BNC2: variants seen among roughly 807,000 people sequenced by gnomAD.
BNC2 encodes the protein zinc finger protein basonuclin-2.
BNC2 carries 20 observed loss-of-function variants against 76.3 expected under a neutral mutation model. That is an observed-to-expected ratio of 0.26 (90% CI 0.18 to 0.38). The LOEUF (loss-of-function observed/expected upper bound fraction) is 0.38. Ranked by LOEUF, BNC2 falls within the 10% of genes least tolerant of loss-of-function variation. The pLI is 1.00. For synonymous variants in BNC2, 582 were observed against 514.8 expected, an observed-to-expected ratio of 1.13 and a Z score of -1.77; for missense variants, 1,382 against 1,399.8, an observed-to-expected ratio of 0.99 and a Z score of 0.20.
chr9:16,482,120 C>A (rs1345253558), intron 5 of BNC2, among the ~76,000 whole-genome samples: 1 of 152,042 alleles, frequency 6.6e-6, no homozygotes, highest in Non-Finnish European at 1.5e-5. Flanking sequence ...TAATAGAAGA[C>A]CAATATATGT....
rs1161140696 is a variant in BNC2, at chr9:16,411,927, A to G, written c.*7062T>C. On this transcript the variant is annotated 3_prime_UTR_variant, in exon 7 of 7. Transcript: ENST00000380672. ...GGCATCCCCTAGTCCCAGAAAGAAG[A>G]CGCTTGATAGATCTTGCACTTCATT... is the stretch of plus-strand genomic sequence containing the variant. 6.6e-6 allele frequency: 1 copy of G among 152,226 alleles called. No individual in the cohort carries two copies. The highest frequency in any genetic ancestry group is 1.5e-5 in the Non-Finnish European group (1 of 68,046). 9.4% of individuals were successfully genotyped at this position (152,226 alleles called of 1,614,324 possible).
At chr9:16,474,883 G>C (rs925356155) in intron 5 of BNC2, among the ~76,000 whole-genome samples, 2 of 151,960 alleles carry the variant, frequency 1.3e-5, no homozygotes, top group East Asian at 3.9e-4. Context: ...CATCTTGGGA[G>C]CTCTCTATCA....
intron 5 of BNC2, among the ~76,000 whole-genome samples, chr9:16,460,272 AT>A (rs979189438): frequency 2.3e-4 from 35 of 152,190 alleles, no homozygotes; most frequent in African/African-American, 7.9e-4. Flanking sequence ...CAACCCTGAA[AT>A]TCTCCCTTCT....
At position 16,453,234 on chromosome 9, in the gene BNC2, C is replaced by G. The variant is rs1008979701; in HGVS notation, c.670-15710G>C. On this transcript the variant is annotated intron_variant, in intron 5 of 6. Coordinates refer to ENST00000380672, the MANE Select transcript of BNC2 (RefSeq NM_017637.6). ...GCTTGAGATACTATTATCAAACCCACTTAAGAGATGGGAAAACTGAGGTGC... is the reference window on the plus strand; with the variant it reads ...GCTTGAGATACTATTATCAAACCCAGTTAAGAGATGGGAAAACTGAGGTGC... Among the ~76,000 whole-genome samples the G allele has an allele frequency of 1.1e-4, 17 of 152,182 alleles. 1 individual carries two copies. The highest frequency in any genetic ancestry group is 4.4e-5 in the Non-Finnish European group (3 of 68,040).
intron 3 of BNC2, among the ~76,000 whole-genome samples, chr9:16,659,415 C>A (rs979311075): frequency 2.0e-5 from 3 of 151,972 alleles, no homozygotes. Context: ...TGAGACCATC[C>A]TGGCCAACAT....
intron 4 of BNC2, chr9:16,579,876 T>G: frequency 8.0e-6 from 3 of 374,184 alleles, no homozygotes; most frequent in Non-Finnish European, 4.7e-6. Context: ...GATTTTGGCA[T>G]TTGGTTATTT....
intron 3 of BNC2, among the ~76,000 whole-genome samples, chr9:16,617,360 G>C (rs1820735969): frequency 6.6e-6 from 1 of 152,056 alleles, no homozygotes; most frequent in Non-Finnish European, 1.5e-5. Flanking sequence ...AATTATACCT[G>C]ATAAAGAATG....
chr9:16,496,855 G>A lies in BNC2; in HGVS notation c.669+55675C>T, dbSNP rs142519718. 1.0e-3 allele frequency among the ~76,000 whole-genome samples: 153 copies of A among 152,306 alleles called. 2 individuals carry two copies. The East Asian group carries it at 0.025, about 25-fold the overall frequency. ...CGATGCTGTATTTACCAGACACCCA[G>A]TTGCTGTTTATAGGGCTAGGATCTG... On this transcript the variant is annotated intron_variant, in intron 5 of 6. Transcript: ENST00000380672.
chr9:16,666,880 G>A (rs1407387354), intron 3 of BNC2, among the ~76,000 whole-genome samples: 1 of 152,046 alleles, frequency 6.6e-6, no homozygotes. Context: ...CATTTTGTTT[G>A]CCTGACATAT....
rs1231298309 is a variant in BNC2 at position 16,437,340 on chromosome 9, A to C, written c.854T>G (p.Phe285Cys). Reference protein sequence around the residue: ...SSKTDSDIRTFIESNNRTRSP... With the variant: ...SSKTDSDIRTCIESNNRTRSP... ...CCTGGTGCGATTATTGCTCTCAATGAAAGTCCTTATATCTGAGTCTGTCTT... is the reference window on the plus strand; with the variant it reads ...CCTGGTGCGATTATTGCTCTCAATGCAAGTCCTTATATCTGAGTCTGTCTT... Residue 285 changes from phenylalanine to cysteine, a missense_variant, in exon 6 of 7, where the codon TTC becomes TGC. Transcript: ENST00000380672. The C allele has an allele frequency of 6.2e-7, 1 of 1,614,164 alleles. No homozygotes were observed. The highest frequency in any genetic ancestry group is 1.7e-5 in the Admixed American group (1 of 60,022).
intron 1 of BNC2, among the ~76,000 whole-genome samples, chr9:16,862,198 C>T (rs1009237802): frequency 6.6e-6 from 1 of 152,074 alleles, no homozygotes; most frequent in Non-Finnish European, 1.5e-5. Flanking sequence ...AACATTATGT[C>T]CACAAAAACT....
At chr9:16,574,357 C>T (rs1007584831) in intron 4 of BNC2, among the ~76,000 whole-genome samples, 4 of 152,154 alleles carry the variant, frequency 2.6e-5, no homozygotes, top group Non-Finnish European at 5.9e-5. Context: ...CTTAATCCTA[C>T]CTAAAATTCA....
At chr9:16,690,330 T>G (rs913845971) in intron 3 of BNC2, among the ~76,000 whole-genome samples, 3 of 151,874 alleles carry the variant, frequency 2.0e-5, no homozygotes, top group Admixed American at 6.6e-5. Flanking sequence ...AAAGAAAAAT[T>G]AGCTGGGTGT....
At chr9:16,606,897 C>T (rs1251996751) in intron 3 of BNC2, among the ~76,000 whole-genome samples, 1 of 152,198 alleles carries the variant, frequency 6.6e-6, no homozygotes, top group Non-Finnish European at 1.5e-5. Context: ...TTTATCTGCA[C>T]AAGCTCCTTT....
At position 16,595,778 on chromosome 9, in the gene BNC2, A is replaced by T. The variant is rs181943346; in HGVS notation, c.331-12693T>A. Among the ~76,000 whole-genome samples, 904 of 152,284 alleles carry T rather than the reference A, an allele frequency of 5.9e-3. 5 individuals are homozygous for T. The highest frequency in any genetic ancestry group is 0.02 in the African/African-American group (851 of 41,568). The stretch of plus-strand genomic sequence containing the variant: ...GAGAAAGACAGGAAAAAACAGACTG[A>T]CTAGCTAAAAACAAATGCTTCAACA... On this transcript the variant is annotated intron_variant, in intron 3 of 6. Transcript: ENST00000380672.
chr9:16,513,343 G>A (rs1822803566), intron 5 of BNC2, among the ~76,000 whole-genome samples: 1 of 112,390 alleles, frequency 8.9e-6, no homozygotes, highest in Admixed American at 1.3e-4. Flanking sequence ...GTCTCGCTCT[G>A]TTGCCCAGGC....
chr9:16,717,078 G>T (rs1322318751), intron 3 of BNC2, among the ~76,000 whole-genome samples: 6 of 152,102 alleles, frequency 3.9e-5, no homozygotes, highest in Non-Finnish European at 8.8e-5. Context: ...ATTTCTTATG[G>T]GAAACATTTT....
chr9:16,645,511 G>A (rs939743477), intron 3 of BNC2, among the ~76,000 whole-genome samples: 1 of 152,086 alleles, frequency 6.6e-6, no homozygotes, highest in Admixed American at 6.6e-5. Context: ...TTACCACACT[G>A]TCTATTTTAT....
At chr9:16,454,236 A>AT (rs1491015905) in intron 5 of BNC2, among the ~76,000 whole-genome samples, 1 of 152,150 alleles carries the variant, frequency 6.6e-6, no homozygotes, top group African/African-American at 2.4e-5. Flanking sequence ...AGTCTGTAAA[A>AT]TACACATCTT....
Sources: allele counts gnomAD v4.1 joint callset (sites outside exome capture counted in the v4.1 genomes callset), GRCh38; gene constraint gnomAD v4.1.1; transcripts MANE v1.5; gene names NCBI Gene and HGNC (gene_info 2026-07-23, HGNC 2026-07-21).